PPP1R9A: variants seen among roughly 807,000 people sequenced by gnomAD.
PPP1R9A encodes the protein protein phosphatase 1 regulatory subunit 9A, also known as neurabin-1.
PPP1R9A carries 59 observed loss-of-function variants against 141.9 expected under a neutral mutation model. The ratio of observed to expected loss-of-function variants is 0.42; its 90% confidence interval spans 0.34 to 0.52. The LOEUF (loss-of-function observed/expected upper bound fraction) is 0.52. PPP1R9A is among the 20% of genes least tolerant of loss of function. The pLI, the probability that PPP1R9A is intolerant of heterozygous loss-of-function variation, is 0.10. For missense variants in PPP1R9A, 1,444 were observed against 1,611.9 expected (o/e 0.90, Z 1.78); for synonymous variants, 500 against 569.7 (o/e 0.88, Z 1.74).
intron 9 of PPP1R9A, among the ~76,000 whole-genome samples, chr7:95,249,718 T>C (rs1397374467): frequency 6.6e-6 from 1 of 152,172 alleles, no homozygotes; most frequent in Non-Finnish European, 1.5e-5. Context: ...TATATCAAAC[T>C]CTGAAACATC....
intron 2 of PPP1R9A, among the ~76,000 whole-genome samples, chr7:95,017,145 C>T (rs1307695140): frequency 2.0e-5 from 3 of 152,016 alleles, no homozygotes; most frequent in African/African-American, 7.2e-5. Flanking sequence ...GGGAGCATGG[C>T]CCAGTAACAC....
At chr7:95,078,551 G>A (rs1028125525) in intron 2 of PPP1R9A, among the ~76,000 whole-genome samples, 2 of 152,076 alleles carry the variant, frequency 1.3e-5, no homozygotes, top group African/African-American at 2.4e-5. Context: ...CTGAGGAATC[G>A]CCACACTGAC....
rs143545892 is a variant in PPP1R9A at position 95,231,694 on chromosome 7, A to G, written c.2112+5578A>G. Among the ~76,000 whole-genome samples the G allele has an allele frequency of 2.8e-3, 422 of 152,262 alleles. 2 individuals are homozygous for G. The highest frequency in any genetic ancestry group is 9.4e-3 in the African/African-American group (392 of 41,554). On this transcript the variant is annotated intron_variant, in intron 8 of 19. Transcript: ENST00000433360. ...GAAATTTAAAAGTTATTCGAACTAT[A>G]TGATAATAGTGACACAACCTGTCAA...
chr7:95,078,615 A>T (rs988520534), intron 2 of PPP1R9A, among the ~76,000 whole-genome samples: 2 of 152,070 alleles, frequency 1.3e-5, no homozygotes, highest in Non-Finnish European at 2.9e-5. Flanking sequence ...AAAGTGTTCT[A>T]TTTCTCCACA....
At chr7:94,965,744 A>G (rs1407361718) in intron 2 of PPP1R9A, among the ~76,000 whole-genome samples, 1 of 151,358 alleles carries the variant, frequency 6.6e-6, no homozygotes, top group Non-Finnish European at 1.5e-5. Context: ...GTTTGAAGTC[A>G]GGTAACATGA....
At chr7:95,280,583 A>G (rs1476155391) in intron 16 of PPP1R9A, among the ~76,000 whole-genome samples, 1 of 152,234 alleles carries the variant, frequency 6.6e-6, no homozygotes, top group East Asian at 1.9e-4. Flanking sequence ...TCTTTGGATT[A>G]TGAGGACGAA....
chr7:95,190,846 G>C (rs1180288318), intron 5 of PPP1R9A, among the ~76,000 whole-genome samples: 1 of 152,198 alleles, frequency 6.6e-6, no homozygotes, highest in African/African-American at 2.4e-5. Context: ...CCAAGTGGGA[G>C]CTGCATGTCA....
intron 2 of PPP1R9A, among the ~76,000 whole-genome samples, chr7:95,054,860 C>T (rs1811302721): frequency 6.6e-6 from 1 of 152,104 alleles, no homozygotes; most frequent in Admixed American, 6.5e-5. Flanking sequence ...CTGTGTTGAT[C>T]TCATTCATTA....
intron 5 of PPP1R9A, among the ~76,000 whole-genome samples, chr7:95,185,685 T>C (rs1432551583): frequency 6.6e-6 from 1 of 152,172 alleles, no homozygotes; most frequent in Non-Finnish European, 1.5e-5. Context: ...CTTTGATCCA[T>C]CTTGAATTGA....
In PPP1R9A at chr7:95,286,266, T is replaced by C; in HGVS notation, c.3670T>C (p.Leu1224=). 6.2e-7 allele frequency: 1 copy of C among 1,613,710 alleles called. No individual in the cohort carries two copies. The highest frequency in any genetic ancestry group is 8.5e-7 in the Non-Finnish European group (1 of 1,179,752). ...TACCAGTTCAGCAGACCTCAGCGGC[T>C]TAGGAGCAGAACCTAAAACACCAGG... ...SSTSSADLSG[L]GAEPKTPGLS... The change falls in exon 18 of 20, where the codon TTA becomes CTA. Residue 1224 remains leucine (L), a synonymous_variant. Coordinates refer to ENST00000433360, the MANE Select transcript of PPP1R9A (RefSeq NM_001166160.2).
intron 7 of PPP1R9A, among the ~76,000 whole-genome samples, chr7:95,211,342 G>A (rs552476944): frequency 6.6e-6 from 1 of 152,146 alleles, no homozygotes; most frequent in South Asian, 2.1e-4. Flanking sequence ...CTGGCTACAA[G>A]TGGTAGCCTT....
At chr7:95,159,903 G>A (rs1290978139) in intron 4 of PPP1R9A, among the ~76,000 whole-genome samples, 2 of 145,238 alleles carry the variant, frequency 1.4e-5, no homozygotes, top group Non-Finnish European at 3.0e-5. Context: ...TCCAGCCTGG[G>A]TGACAGAGGG....
At chr7:95,259,612 C>A (rs933060645) in intron 12 of PPP1R9A, among the ~76,000 whole-genome samples, 3 of 152,128 alleles carry the variant, frequency 2.0e-5, no homozygotes, top group Admixed American at 6.6e-5. Context: ...CCAGGCCAGA[C>A]CCCTACCACC....
At chr7:95,094,879 C>CCAAAAAA (rs1817824292) in intron 2 of PPP1R9A, among the ~76,000 whole-genome samples, 2 of 44,974 alleles carry the variant, frequency 4.4e-5, no homozygotes, top group Non-Finnish European at 8.5e-5. Context: ...GACTGCGTCT[C>CCAAAAAA]AAAAAAAAAA....
chr7:95,117,369 A>C (rs1584777187), intron 3 of PPP1R9A, among the ~76,000 whole-genome samples: 1 of 152,050 alleles, frequency 6.6e-6, no homozygotes, highest in Non-Finnish European at 1.5e-5. Context: ...ATGCTGGAGA[A>C]CATCAGTCTT....
At chr7:95,033,481 CTTCA>C (rs1348870006) in intron 2 of PPP1R9A, among the ~76,000 whole-genome samples, 2 of 152,174 alleles carry the variant, frequency 1.3e-5, no homozygotes, top group African/African-American at 4.8e-5. Flanking sequence ...TCTTTTCACT[CTTCA>C]TTATGTTTTC....
chr7:95,267,445 T>G (rs1452934055), intron 12 of PPP1R9A, among the ~76,000 whole-genome samples: 1 of 152,146 alleles, frequency 6.6e-6, no homozygotes, highest in Non-Finnish European at 1.5e-5. Context: ...TGATTACATA[T>G]GCAAATGAAA....
rs7793427 is a variant in PPP1R9A at position 95,268,491 on chromosome 7, G to A, written c.2666-59G>A. 4.7e-3 allele frequency: 7,504 copies of A among 1,582,890 alleles called. 337 individuals carry two copies. In the African/African-American group the frequency reaches 0.089, roughly 19 times the overall value. On this transcript the variant is annotated intron_variant, in intron 12 of 19. Coordinates refer to ENST00000433360, the MANE Select transcript of PPP1R9A (RefSeq NM_001166160.2). ...CCTTGAGATTTTATCAGTGTCTGTG[G>A]TCTCTTCATCAGTTCTCTCCAAAGG...
At chr7:95,083,365 C>CA (rs113232722) in intron 2 of PPP1R9A, among the ~76,000 whole-genome samples, 3,335 of 151,948 alleles carry the variant, frequency 0.022, 177 homozygotes, top group African/African-American at 0.077. Context: ...AGACACCTGT[C>CA]ACATTACATT....
Sources: gnomAD v4.1 joint callset for allele counts (sites outside exome capture counted in the v4.1 genomes callset) on GRCh38, gnomAD v4.1.1 for gene constraint, MANE v1.5 for transcripts, NCBI Gene and HGNC (gene_info 2026-07-23, HGNC 2026-07-21) for gene names.